The following EYS variants were observed in gnomAD, a reference collection of about 807,000 sequenced individuals.
EYS encodes the protein EGF-like photoreceptor maintenance factor, also known as protein eyes shut homolog.
EYS carries 250 observed loss-of-function variants against 282.1 expected under a neutral mutation model. The observed-to-expected ratio is 0.89, with a 90% CI of 0.80 to 0.98. EYS has a LOEUF of 0.98. Among genes scored for constraint, EYS ranks in the 50% least tolerant of loss-of-function variants. The probability of loss-of-function intolerance (pLI) is 0.00; values close to 1 mark genes in which losing one functional copy is unlikely to be tolerated. For synonymous variants in EYS, 1,355 were observed against 1,282.9 expected (o/e 1.06, Z -1.20); for missense variants, 4,016 against 3,709.0 (o/e 1.08, Z -2.15).
At chr6:65,583,730 G>A (rs1237298065) in intron 2 of EYS, among the ~76,000 whole-genome samples, 1 of 151,882 alleles carries the variant, frequency 6.6e-6, no homozygotes, top group Non-Finnish European at 1.5e-5. Context: ...GATGCAATTG[G>A]ACCTTCCTAT....
At chr6:65,566,339 C>A (rs1373244017) in intron 2 of EYS, among the ~76,000 whole-genome samples, 1 of 151,552 alleles carries the variant, frequency 6.6e-6, no homozygotes, top group Non-Finnish European at 1.5e-5. Context: ...ACTGAGCATG[C>A]GGTGATTAGC....
intron 26 of EYS, among the ~76,000 whole-genome samples, chr6:64,449,430 C>G (rs1039729959): frequency 6.6e-6 from 1 of 152,288 alleles, no homozygotes; most frequent in East Asian, 1.9e-4. Flanking sequence ...GGAAAACACT[C>G]TGCAGGATAT....
intron 30 of EYS, among the ~76,000 whole-genome samples, chr6:64,293,211 G>C (rs551204769): frequency 1.1e-4 from 16 of 152,056 alleles, no homozygotes; most frequent in Non-Finnish European, 2.2e-4. Flanking sequence ...ATTATTTAAA[G>C]AGTAGCCAAA....
chr6:63,762,243 T>C (rs539672049), intron 41 of EYS, among the ~76,000 whole-genome samples: 13 of 152,148 alleles, frequency 8.5e-5, no homozygotes, highest in African/African-American at 3.1e-4. Flanking sequence ...TTAGAGTTAA[T>C]AAATTAAAGC....
At chr6:63,754,095 T>C (rs564382552) in intron 41 of EYS, among the ~76,000 whole-genome samples, 7 of 152,358 alleles carry the variant, frequency 4.6e-5, no homozygotes, top group African/African-American at 1.7e-4. Context: ...TGAACTTTTA[T>C]CTAAATTATA....
chr6:64,442,202 T>C (rs542786819), intron 26 of EYS, among the ~76,000 whole-genome samples: 1 of 152,240 alleles, frequency 6.6e-6, no homozygotes, highest in African/African-American at 2.4e-5. Context: ...CCTTGTTATG[T>C]TTTAGAAAAG....
At chr6:64,519,415 G>A (rs972694307) in intron 26 of EYS, among the ~76,000 whole-genome samples, 20 of 151,782 alleles carry the variant, frequency 1.3e-4, no homozygotes, top group African/African-American at 4.1e-4. Flanking sequence ...CACAAAACAC[G>A]CAGAAGCATA....
At chr6:64,035,531 T>C (rs537328040) in intron 33 of EYS, among the ~76,000 whole-genome samples, 1 of 152,286 alleles carries the variant, frequency 6.6e-6, no homozygotes, top group East Asian at 1.9e-4. Flanking sequence ...CTTTGAAGCC[T>C]AGGTTATGTT....
At chr6:64,032,430 T>A (rs1351611872) in intron 33 of EYS, among the ~76,000 whole-genome samples, 2 of 152,244 alleles carry the variant, frequency 1.3e-5, no homozygotes, top group African/African-American at 4.8e-5. Flanking sequence ...ACTTTTTCTA[T>A]ATTTACAACA....
chr6:64,461,502 G>A (rs1775745761), intron 26 of EYS, among the ~76,000 whole-genome samples: 1 of 152,154 alleles, frequency 6.6e-6, no homozygotes. Flanking sequence ...TTTATATATG[G>A]TAACAGTCTG....
intron 1 of EYS, among the ~76,000 whole-genome samples, chr6:65,691,677 T>C (rs144450079): frequency 0.18 from 26,477 of 150,104 alleles, 3,583 homozygotes; most frequent in East Asian, 0.37. Context: ...TCCTGAATGG[T>C]ATTGCCTAGG....
intron 13 of EYS, among the ~76,000 whole-genome samples, chr6:65,037,356 G>T (rs1438940997): frequency 6.6e-6 from 1 of 151,588 alleles, no homozygotes; most frequent in Non-Finnish European, 1.5e-5. Context: ...TACCTATCAG[G>T]TACTAAGCTT....
intron 31 of EYS, among the ~76,000 whole-genome samples, chr6:64,137,284 T>C (rs940249450): frequency 2.0e-5 from 3 of 152,174 alleles, no homozygotes; most frequent in Middle Eastern, 3.2e-3. Flanking sequence ...TTGATCCATC[T>C]GGACCAAACT....
chr6:64,618,843 TC>T (rs1419059701), intron 23 of EYS, among the ~76,000 whole-genome samples: 3 of 152,168 alleles, frequency 2.0e-5, no homozygotes, highest in African/African-American at 7.2e-5. Context: ...GAAAAAAACA[TC>T]TTCACAGGGT....
intron 29 of EYS, among the ~76,000 whole-genome samples, chr6:64,343,130 A>G (rs1433486847): frequency 2.0e-5 from 3 of 152,162 alleles, no homozygotes; most frequent in Admixed American, 2.0e-4. Context: ...CCCCACTGTC[A>G]ACATTAGACA....
intron 33 of EYS, among the ~76,000 whole-genome samples, chr6:64,010,570 T>C (rs1196236588): frequency 2.0e-5 from 3 of 152,210 alleles, no homozygotes; most frequent in African/African-American, 7.2e-5. Flanking sequence ...TGTTCCATTG[T>C]TGGTTTTCTT....
chr6:64,116,984 C>T (rs1773406609), intron 31 of EYS, among the ~76,000 whole-genome samples: 1 of 152,050 alleles, frequency 6.6e-6, no homozygotes, highest in African/African-American at 2.4e-5. Context: ...AAATTTAATA[C>T]CTCACTTTCA....
At chr6:63,832,679 C>A (rs1771677879) in intron 36 of EYS, among the ~76,000 whole-genome samples, 1 of 152,062 alleles carries the variant, frequency 6.6e-6, no homozygotes, top group Non-Finnish European at 1.5e-5. Flanking sequence ...CTATTCCAAT[C>A]AATAGAAAAA....
intron 30 of EYS, among the ~76,000 whole-genome samples, chr6:64,305,688 G>A (rs960147318): frequency 6.6e-6 from 1 of 152,210 alleles, no homozygotes; most frequent in South Asian, 2.1e-4. Flanking sequence ...ACATACAACA[G>A]AATGACCCAA....
Sources: gnomAD v4.1 joint callset for allele counts (sites outside exome capture counted in the v4.1 genomes callset) on GRCh38, gnomAD v4.1.1 for gene constraint, MANE v1.5 for transcripts, NCBI Gene and HGNC (gene_info 2026-07-23, HGNC 2026-07-21) for gene names.